Variants in SPRR2B observed in about 807,000 individuals in gnomAD.
The protein encoded by SPRR2B is small proline rich protein 2B.
In SPRR2B, 1 loss-of-function variant was observed where a neutral mutation model predicts 1.0. The ratio of observed to expected loss-of-function variants is 1.01; its 90% CI spans 0.36 to 4.77. The LOEUF is 4.77. SPRR2B is among the 30% of genes most tolerant of loss of function. The probability of loss-of-function intolerance (pLI) is 0.16; values close to 1 mark genes in which losing one functional copy is unlikely to be tolerated. For synonymous variants in SPRR2B, 27 were observed against 33.4 expected (o/e 0.81, Z 0.66); for missense variants, 53 against 88.7 (o/e 0.60, Z 1.62).
chr1:153,085,865 G>A, the SPRR2B span, among the ~76,000 whole-genome samples: 3 of 152,142 alleles, frequency 2.0e-5, no homozygotes, highest in Admixed American at 2.0e-4. Context: ...AGAAGAGATT[G>A]GGAGCCAATA....
upstream of SPRR2B, among the ~76,000 whole-genome samples, chr1:153,072,265 C>T (rs1654683428): frequency 6.6e-6 from 1 of 152,192 alleles, no homozygotes; most frequent in Non-Finnish European, 1.5e-5. Flanking sequence ...CTTATAGAGG[C>T]ACTTGTGTCC....
the SPRR2B span, among the ~76,000 whole-genome samples, chr1:153,080,862 T>A: frequency 3.9e-5 from 6 of 152,206 alleles, no homozygotes; most frequent in Non-Finnish European, 1.5e-5. Flanking sequence ...GCTTTAGTCA[T>A]AACATCCACT....
upstream of SPRR2B, among the ~76,000 whole-genome samples, chr1:153,075,130 G>A (rs142028228): frequency 1.3e-3 from 198 of 152,214 alleles, 5 homozygotes; most frequent in East Asian, 0.037. Flanking sequence ...TTGATCACGA[G>A]GTCAGGAGTT....
upstream of SPRR2B, among the ~76,000 whole-genome samples, chr1:153,072,375 T>G (rs923023659): frequency 7.9e-5 from 12 of 152,188 alleles, no homozygotes; most frequent in Non-Finnish European, 1.8e-4. Flanking sequence ...GAAATGTACT[T>G]AGTCACCACA....
intron 1 of SPRR2B, among the ~76,000 whole-genome samples, 170 bp downstream of exon 1, chr1:153,071,399 A>T (rs6680416): frequency 0.39 from 56,036 of 145,478 alleles, 11,012 homozygotes; most frequent in Non-Finnish European, 0.45. Context: ...AACTGTATAT[A>T]TTTTTTAAAG....
In SPRR2B at chr1:153,070,647, G is replaced by A. The variant is rs404408; in HGVS notation, c.193C>T (p.Pro65Ser). The change falls in exon 2 of 2, where the codon CCA becomes TCA. Residue 65 changes from proline (P) to serine (S), a missense_variant. By Grantham distance (74) the Pro-to-Ser change is moderately conservative (BLOSUM62 -1). Transcript: ENST00000368755. ...TACTTGCTCTTCGGTGGATACTTTG[G>A]CTGGCAGGGTGGGGAAGGTGTCACA... is the stretch of plus-strand genomic sequence containing the variant. ...PPVTPSPPCQ[P>S]KYPPKSK 6.7e-5 allele frequency: 108 copies of A among 1,612,304 alleles called. 1 individual carries two copies. Among genetic ancestry groups the A allele is most frequent in the African/African-American group, 4.4e-4 (33 of 74,940 alleles).
the SPRR2B span, among the ~76,000 whole-genome samples, chr1:153,077,471 C>T: frequency 2.0e-5 from 3 of 151,978 alleles, no homozygotes; most frequent in African/African-American, 4.8e-5. Flanking sequence ...CTTGTAACTT[C>T]AATTTTTATT....
At chr1:153,084,984 C>T in the SPRR2B span, among the ~76,000 whole-genome samples, 1 of 152,168 alleles carries the variant, frequency 6.6e-6, no homozygotes, top group Non-Finnish European at 1.5e-5. Context: ...CAATCAAAAC[C>T]TCAAGGTTAT....
the SPRR2B span, among the ~76,000 whole-genome samples, chr1:153,077,360 C>T: frequency 3.9e-5 from 6 of 152,064 alleles, no homozygotes; most frequent in Admixed American, 1.3e-4. Flanking sequence ...AGAGACTCTC[C>T]GGTTGAAATA....
At chr1:153,079,104 C>T in the SPRR2B span, among the ~76,000 whole-genome samples, 44 of 152,232 alleles carry the variant, frequency 2.9e-4, 1 homozygote, top group South Asian at 1.2e-3. Flanking sequence ...TGCATTTCTC[C>T]GATGGCCAGT....
chr1:153,076,905 T>C, the SPRR2B span, among the ~76,000 whole-genome samples: 1 of 152,206 alleles, frequency 6.6e-6, no homozygotes, highest in Non-Finnish European at 1.5e-5. Flanking sequence ...CACAAAGACA[T>C]GGTTGAATTT....
Position 153,070,382 on chromosome 1 carries a change from TG to T in SPRR2B, c.*238del. ...GCTGCAGCTCTTTCTGCTGAAGCTC[TG>T]GGAACTGACAAAGCCAAGGTTCCTT... On this transcript the variant is annotated 3_prime_UTR_variant, in exon 2 of 2. Transcript: ENST00000368755. The T allele has an allele frequency of 1.4e-6, 1 of 702,780 alleles. No homozygotes were observed. The highest frequency in any genetic ancestry group is 2.3e-6 in the Non-Finnish European group (1 of 440,468). 43.5% of individuals were successfully genotyped at this position (702,780 alleles called of 1,614,324 possible).
chr1:153,079,779 A>C, the SPRR2B span, among the ~76,000 whole-genome samples: 1 of 152,060 alleles, frequency 6.6e-6, no homozygotes, highest in African/African-American at 2.4e-5. Context: ...CTTGTAGTAT[A>C]GTTTGAAGTC....
the SPRR2B span, among the ~76,000 whole-genome samples, chr1:153,083,895 G>T: frequency 6.6e-6 from 1 of 152,194 alleles, no homozygotes; most frequent in Admixed American, 6.5e-5. Flanking sequence ...ATCTCTCTAG[G>T]CTCAACTTGC....
Position 153,070,860 on chromosome 1 carries a change from T to C in SPRR2B, c.-19-2A>G, listed in dbSNP as rs1557909784. ...GACATCCTGCTGGAGTCTCAGGATC[T>C]GAAAGAAATGATACAACAGTGTTCG... On this transcript the variant is annotated splice_acceptor_variant, in intron 1 of 1. Coordinates refer to ENST00000368755, the MANE Select transcript of SPRR2B (RefSeq NM_001388198.1). LOFTEE classifies it low-confidence loss of function (5UTR_SPLICE). The C allele has an allele frequency of 8.5e-6, 11 of 1,298,952 alleles. 1 individual carries two copies. The highest frequency in any genetic ancestry group is 2.6e-4 in the Middle Eastern group (1 of 3,876). The allele number at this position is 1,298,952 out of a possible 1,614,324, so 80.5% of individuals were successfully genotyped here. A position where few individuals can be genotyped will look rare whatever the true frequency, so the allele number is the denominator to read the frequency against.
At chr1:153,071,506 T>C (rs1184457053) in intron 1 of SPRR2B, among the ~76,000 whole-genome samples, 63 bp downstream of exon 1, 2 of 152,164 alleles carry the variant, frequency 1.3e-5, no homozygotes, top group African/African-American at 4.8e-5. Flanking sequence ...CCAAACTTGC[T>C]GGATTCAAAT....
chr1:153,078,417 G>T, the SPRR2B span, among the ~76,000 whole-genome samples: 5 of 152,134 alleles, frequency 3.3e-5, no homozygotes, highest in African/African-American at 4.8e-5. Context: ...CAACGTGCAG[G>T]TTAGTTACAT....
chr1:153,085,329 C>T, the SPRR2B span, among the ~76,000 whole-genome samples: 4 of 152,270 alleles, frequency 2.6e-5, no homozygotes, highest in African/African-American at 7.2e-5. Flanking sequence ...AAGAAAAGAA[C>T]ATAACTGACC....
chr1:153,081,564 G>T, the SPRR2B span, among the ~76,000 whole-genome samples: 1 of 152,154 alleles, frequency 6.6e-6, no homozygotes, highest in South Asian at 2.1e-4. Flanking sequence ...CTCTCAGGTT[G>T]AAATAAAAGG....
Sources: gnomAD v4.1 joint callset for allele counts (sites outside exome capture counted in the v4.1 genomes callset) on GRCh38, gnomAD v4.1.1 for gene constraint, MANE v1.5 for transcripts, NCBI Gene and HGNC (gene_info 2026-07-23, HGNC 2026-07-21) for gene names.